C1orf35: variants seen among roughly 807,000 people sequenced by gnomAD.
C1orf35 encodes the protein multiple myeloma tumor-associated protein 2.
In C1orf35, 36 loss-of-function variants were observed where a neutral mutation model predicts 30.9. The observed-to-expected ratio is 1.16, with a 90% confidence interval of 0.89 to 1.54. C1orf35 has a LOEUF of 1.54. Ranked by LOEUF, C1orf35 falls within the 40% of genes most tolerant of loss-of-function variation. C1orf35 has a pLI of 0.00. For synonymous variants in C1orf35, 179 were observed against 148.2 expected, an observed-to-expected ratio of 1.21 and a Z score of -1.51; for missense variants, 396 against 358.7, an observed-to-expected ratio of 1.10 and a Z score of -0.84.
In C1orf35 at chr1:228,101,432, T is replaced by C; in HGVS notation, c.575A>G (p.Lys192Arg). 6.2e-7 allele frequency: 1 copy of C among 1,613,782 alleles called. No homozygotes were observed. Among genetic ancestry groups the C allele is most frequent in the Non-Finnish European group, 8.5e-7 (1 of 1,179,962 alleles). The change falls in exon 7 of 8, where the codon AAG (lysine) becomes AGG (arginine). Residue 192 changes from lysine (K) to arginine (R), a missense_variant. Physicochemically the swap from Lys to Arg is conservative, Grantham distance 26 (BLOSUM62 2). Coordinates refer to ENST00000272139, the MANE Select transcript of C1orf35 (RefSeq NM_024319.4). ...HRKSKKEKKK[K>R]KKRKHKKEKK... ...CTCTTTCTTGTGTTTCCTCTTTTTC[T>C]TTTTCTTCTTCTCCTTCTTGCTTTT...
intron 2 of C1orf35, 69 bp downstream of exon 2, chr1:228,102,830 G>A: frequency 7.7e-6 from 2 of 260,818 alleles, no homozygotes; most frequent in South Asian, 3.0e-5. Flanking sequence ...CCCAGTCCCC[G>A]GCCCCGGCCC....
chr1:228,101,402 T>G lies in C1orf35; in HGVS notation c.605A>C (p.Lys202Thr), dbSNP rs200766739. 1 of 1,613,976 alleles carries G rather than the reference T, an allele frequency of 6.2e-7. No homozygotes were observed. Among genetic ancestry groups the G allele is most frequent in the Non-Finnish European group, 8.5e-7 (1 of 1,179,982 alleles). ...CCGCCTGTGCTCTTTGTCTTTCTTC[T>G]TCTTCTCTTTCTTGTGTTTCCTCTT... ...KKKRKHKKEK[K>T]KKDKEHRRPA... is the part of the protein sequence containing the mutation. Residue 202 changes from lysine to threonine, a missense_variant, in exon 7 of 8, where the codon AAG becomes ACG. By Grantham distance (78) the Lys-to-Thr change is moderately conservative (BLOSUM62 -1). Transcript: ENST00000272139.
Position 228,102,656 on chromosome 1 carries a change from C to T in C1orf35, c.278G>A (p.Gly93Asp), listed in dbSNP as rs1432741225. 7 of 1,607,572 alleles carry T rather than the reference C, an allele frequency of 4.4e-6. No homozygotes were observed. Among genetic ancestry groups the T allele is most frequent in the Admixed American group, 1.7e-5 (1 of 59,678 alleles). Residue 93 changes from glycine to aspartate, a missense_variant, in exon 3 of 8, where the codon GGC becomes GAC. Gly to Asp is a moderately conservative substitution (Grantham distance 94). Transcript: ENST00000272139. Reference protein sequence around the residue: ...GYKNVKKQPTGLSKEDFAEVC... With the variant: ...GYKNVKKQPTDLSKEDFAEVC... Reference sequence around the variant, plus strand: ...CCGGGGAGTTACCTCCTTGCTCAGGCCCGTGGGCTGCTTCTTCACGTTCTT... The same window carrying T: ...CCGGGGAGTTACCTCCTTGCTCAGGTCCGTGGGCTGCTTCTTCACGTTCTT...
rs1454293716 is a variant in C1orf35 at position 228,100,913 on chromosome 1, G to C, written c.*218C>G. ...AGGTTCACCTTCGCAGGCCAAGCCAGGGGCCATCCCTGGTATGCGAAACCT... is the reference window on the plus strand; with the variant it reads ...AGGTTCACCTTCGCAGGCCAAGCCACGGGCCATCCCTGGTATGCGAAACCT... On this transcript the variant is annotated 3_prime_UTR_variant, in exon 8 of 8. Coordinates refer to ENST00000272139, the MANE Select transcript of C1orf35 (RefSeq NM_024319.4). 1.5e-5 allele frequency: 10 copies of C among 658,174 alleles called. No individual in the cohort carries two copies. The highest frequency in any genetic ancestry group is 2.3e-5 in the Non-Finnish European group (9 of 393,228). 40.8% of individuals were successfully genotyped at this position (658,174 alleles called of 1,614,324 possible). A position where few individuals can be genotyped will look rare whatever the true frequency, so the allele number is the denominator to read the frequency against.
intron 6 of C1orf35, chr1:228,101,782 A>G (rs1442639620): frequency 5.0e-6 from 7 of 1,407,226 alleles, no homozygotes; most frequent in Non-Finnish European, 2.8e-6. Context: ...CTCACCATCC[A>G]GGAGAAGCCC....
rs866679304 is a variant in C1orf35 at position 228,103,186 on chromosome 1, G to A, written c.42C>T (p.Asp14=). 6.2e-7 allele frequency: 1 copy of A among 1,611,824 alleles called. No individual in the cohort carries two copies. Among genetic ancestry groups the A allele is most frequent in the Non-Finnish European group, 8.5e-7 (1 of 1,179,534 alleles). The change falls in exon 1 of 8, where the codon GAC becomes GAT. Residue 14 remains aspartate (D), a synonymous_variant. Coordinates refer to ENST00000272139, the MANE Select transcript of C1orf35 (RefSeq NM_024319.4). ...TCTTCACGTCCTCCCAGTTGAACTG[G>A]TCCTGCCCGCCGCGCACGCCTCCAC... The part of the protein sequence containing the change: ...SSRGGVRGGQ[D]QFNWEDVKTD...
chr1:228,101,533 A>T, intron 6 of C1orf35, 60 bp from the exon 7 acceptor site: 1 of 1,598,342 alleles, frequency 6.3e-7, no homozygotes, highest in Non-Finnish European at 8.5e-7. Flanking sequence ...GAGAGTGAAC[A>T]CAAGCAGGCC....
At chr1:228,101,894 A>G in intron 6 of C1orf35, 186 bp downstream of exon 6, 1 of 1,421,536 alleles carries the variant, frequency 7.0e-7, no homozygotes, top group South Asian at 1.5e-5. Context: ...CCTCTCTTCA[A>G]GGGTGACCCG....
Position 228,102,685 on chromosome 1 carries a change from G to A in C1orf35, c.249C>T (p.Gly83=). The change falls in exon 3 of 8, where the codon GGC becomes GGT. Residue 83 remains glycine (G), a synonymous_variant. Transcript: ENST00000272139. ...AEREALLAAL[G]YKNVKKQPTG... is the part of the protein sequence containing the mutation. ...TGGGCTGCTTCTTCACGTTCTTGTA[G>A]CCACTGCGAGAGGGCCGGGGCAGGC... 1 of 1,607,508 alleles carries A rather than the reference G, an allele frequency of 6.2e-7. No individual in the cohort carries two copies. Among genetic ancestry groups the A allele is most frequent in the Non-Finnish European group, 8.5e-7 (1 of 1,177,482 alleles).
Position 228,101,364 on chromosome 1 carries a change from T to C in C1orf35, c.643A>G (p.Thr215Ala). The C allele has an allele frequency of 1.2e-6, 2 of 1,614,058 alleles. No homozygotes were observed. The highest frequency in any genetic ancestry group is 1.6e-4 in the Middle Eastern group (1 of 6,062). The change falls in exon 7 of 8, where the codon ACC (threonine) becomes GCC (alanine). Residue 215 changes from threonine (T) to alanine (A), a missense_variant. Physicochemically the swap from Thr to Ala is moderately conservative, Grantham distance 58. Transcript: ENST00000272139. The stretch of plus-strand genomic sequence containing the variant: ...CTCTCAGGAGATGTGGGAGAGGAGG[T>C]GGCCTCAGCTGGCCGCCTGTGCTCT... ...DKEHRRPAEA[T>A]SSPTSPERPR... is the part of the protein sequence containing the mutation.
rs779317567 is a variant in C1orf35 at position 228,102,914 on chromosome 1, G to A, written c.230C>T (p.Ala77Val). ...LAAVREAEREALLAALGYKNV... is the reference protein window; with the variant it reads ...LAAVREAEREVLLAALGYKNV... ...GGACACTCACAGGGCGGCCAGCAGC[G>A]CCTCGCGCTCCGCCTCCCGCACGGC... Residue 77 changes from alanine (A) to valine (V), a missense_variant, in exon 2 of 8, where the codon GCG (alanine) becomes GTG (valine). By Grantham distance (64) the Ala-to-Val change is moderately conservative (BLOSUM62 0). Transcript: ENST00000272139. 1 of 1,487,066 alleles carries A rather than the reference G, an allele frequency of 6.7e-7. No individual in the cohort carries two copies. The highest frequency in any genetic ancestry group is 1.3e-5 in the South Asian group (1 of 78,536). The allele number at this position is 1,487,066 out of a possible 1,614,324, so 92.1% of individuals were successfully genotyped here.
chr1:228,101,695 C>CCA (rs1205567031), intron 6 of C1orf35: 64 of 1,432,236 alleles, frequency 4.5e-5, no homozygotes, highest in Non-Finnish European at 5.7e-5. Flanking sequence ...CGCCCCTGCC[C>CCA]CACCCCAGCC....
At position 228,103,325 on chromosome 1, in the gene C1orf35, C is replaced by T. The variant is rs2033028505; in HGVS notation, c.-98G>A. ...CTACCGTCGGACCCAGGCCCGACCC[C>T]GCCTCCGCGTCGCGCGCCGTGACGT... On this transcript the variant is annotated 5_prime_UTR_variant, in exon 1 of 8. Coordinates refer to ENST00000272139, the MANE Select transcript of C1orf35 (RefSeq NM_024319.4). 7.1e-7 allele frequency: 1 copy of T among 1,405,280 alleles called. No individual in the cohort carries two copies. The highest frequency in any genetic ancestry group is 2.5e-4 in the Middle Eastern group (1 of 3,990). The allele number at this position is 1,405,280 out of a possible 1,614,324, so 87.1% of individuals were successfully genotyped here. A position where few individuals can be genotyped will look rare whatever the true frequency, so the allele number is the denominator to read the frequency against.
At chr1:228,102,286 C>T (rs771479442) in intron 5 of C1orf35, 24 bp downstream of exon 5, 2 of 1,608,424 alleles carry the variant, frequency 1.2e-6, no homozygotes, top group East Asian at 2.2e-5. Flanking sequence ...GCCCCTGCTG[C>T]GGTCAGGCGG....
At position 228,103,233 on chromosome 1, in the gene C1orf35, C is replaced by G. The variant is rs1332015306; in HGVS notation, c.-6G>C. On this transcript the variant is annotated 5_prime_UTR_variant, in exon 1 of 8. Coordinates refer to ENST00000272139, the MANE Select transcript of C1orf35 (RefSeq NM_024319.4). Reference sequence around the variant, plus strand: ...CCACGACTGGAGCCGAACATGGCGCCGGGAAGGCAGTTGCCTGGGGCCTGC... The same window carrying G: ...CCACGACTGGAGCCGAACATGGCGCGGGGAAGGCAGTTGCCTGGGGCCTGC... 2 of 1,608,884 alleles carry G rather than the reference C, an allele frequency of 1.2e-6. No homozygotes were observed. Among genetic ancestry groups the G allele is most frequent in the East Asian group, 4.5e-5 (2 of 44,564 alleles).
rs1257583783 is a variant in C1orf35, at chr1:228,101,398, C to CT, written c.608dup (p.Lys204GlufsTer10). On this transcript the variant is annotated frameshift_variant, in exon 7 of 8. Transcript: ENST00000272139. LOFTEE classifies it high-confidence loss of function. ...CTGGCCGCCTGTGCTCTTTGTCTTTCTTCTTCTTCTCTTTCTTGTGTTTCC... is the reference window on the plus strand; with the variant it reads ...CTGGCCGCCTGTGCTCTTTGTCTTTCTTTCTTCTTCTCTTTCTTGTGTTTCC... 6.2e-7 allele frequency: 1 copy of CT among 1,611,572 alleles called. No homozygotes were observed. The highest frequency in any genetic ancestry group is 1.3e-5 in the African/African-American group (1 of 74,886).
rs775603830 is a variant in C1orf35, at chr1:228,101,397, T to C, written c.610A>G (p.Lys204Glu). ...GCTGGCCGCCTGTGCTCTTTGTCTT[T>C]CTTCTTCTTCTCTTTCTTGTGTTTC... ...KRKHKKEKKK[K>E]DKEHRRPAEA... is the part of the protein sequence containing the mutation. Residue 204 changes from lysine (K) to glutamate (E), a missense_variant, in exon 7 of 8, where the codon AAA becomes GAA. Physicochemically the swap from Lys to Glu is moderately conservative, Grantham distance 56. Transcript: ENST00000272139. 6 of 1,611,686 alleles carry C rather than the reference T, an allele frequency of 3.7e-6. No homozygotes were observed. The Admixed American group carries it at 6.7e-5, about 18-fold the overall frequency.
At position 228,102,683 on chromosome 1, in the gene C1orf35, T is replaced by C. The variant is rs927808220; in HGVS notation, c.251A>G (p.Tyr84Cys). The part of the protein sequence containing the change: ...EREALLAALG[Y>C]KNVKKQPTGL... The stretch of plus-strand genomic sequence containing the variant: ...CGTGGGCTGCTTCTTCACGTTCTTG[T>C]AGCCACTGCGAGAGGGCCGGGGCAG... Residue 84 changes from tyrosine to cysteine, a missense_variant, in exon 3 of 8, where the codon TAC becomes TGC. Coordinates refer to ENST00000272139, the MANE Select transcript of C1orf35 (RefSeq NM_024319.4). 1 of 1,607,734 alleles carries C rather than the reference T, an allele frequency of 6.2e-7. No individual in the cohort carries two copies.
Position 228,101,336 on chromosome 1 carries a change from T to A in C1orf35, c.668+3A>T. 6.2e-7 allele frequency: 1 copy of A among 1,614,184 alleles called. No homozygotes were observed. The highest frequency in any genetic ancestry group is 8.5e-7 in the Non-Finnish European group (1 of 1,180,030). On this transcript the variant is annotated splice_donor_region_variant and intron_variant, in intron 7 of 7. Transcript: ENST00000272139. Reference sequence around the variant, plus strand: ...CAAGAGGCAGATATGGACCAGGGCATACCTCTCAGGAGATGTGGGAGAGGA... The same window carrying A: ...CAAGAGGCAGATATGGACCAGGGCAAACCTCTCAGGAGATGTGGGAGAGGA...
Sources: gnomAD v4.1 joint callset for allele counts on GRCh38, gnomAD v4.1.1 for gene constraint, MANE v1.5 for transcripts, NCBI Gene and HGNC (gene_info 2026-07-23, HGNC 2026-07-21) for gene names.